Variants in PTGER3 observed in about 807,000 individuals in gnomAD.
The protein encoded by PTGER3 is prostaglandin E receptor 3, also known as prostaglandin E2 receptor EP3 subtype.
Under a neutral mutation model 34.7 loss-of-function variants are expected in PTGER3, and 22 were observed. That is an observed-to-expected ratio of 0.63 (90% CI 0.45 to 0.91). PTGER3 has a LOEUF of 0.91. PTGER3 is among the 40% of genes least tolerant of loss of function. The probability of loss-of-function intolerance (pLI) is 0.00; values close to 1 mark genes in which losing one functional copy is unlikely to be tolerated. For missense variants in PTGER3, 468 were observed against 519.4 expected (o/e 0.90, Z 0.96); for synonymous variants, 241 against 230.1 (o/e 1.05, Z -0.43).
At chr1:70,879,926 C>G (rs552338828) in intron 4 of PTGER3, among the ~76,000 whole-genome samples, 6 of 152,034 alleles carry the variant, frequency 3.9e-5, no homozygotes, top group Non-Finnish European at 8.8e-5. Flanking sequence ...AACCTTGTCT[C>G]TACTAAAAAT....
chr1:70,979,131 C>A (rs923860114), intron 2 of PTGER3, among the ~76,000 whole-genome samples: 1 of 151,978 alleles, frequency 6.6e-6, no homozygotes, highest in African/African-American at 2.4e-5. Context: ...CTCAGTGAGC[C>A]CCACAAGAGC....
At chr1:70,963,832 C>T (rs951649284) in intron 2 of PTGER3, among the ~76,000 whole-genome samples, 1 of 152,194 alleles carries the variant, frequency 6.6e-6, no homozygotes, top group Non-Finnish European at 1.5e-5. Context: ...GCTTGAATTT[C>T]TCCCCAGAAA....
chr1:71,009,798 C>A, intron 2 of PTGER3: 1 of 985,174 alleles, frequency 1.0e-6, no homozygotes. Flanking sequence ...CATGAGTGAA[C>A]TTGAAAGCCA....
At chr1:70,936,239 GC>G (rs1369716175) in intron 4 of PTGER3, among the ~76,000 whole-genome samples, 2 of 152,272 alleles carry the variant, frequency 1.3e-5, no homozygotes, top group East Asian at 3.9e-4. Context: ...AGCACTGTGT[GC>G]TTTGCCAAGC....
chr1:70,941,997 T>C (rs1188374334), intron 4 of PTGER3, among the ~76,000 whole-genome samples: 2 of 152,156 alleles, frequency 1.3e-5, no homozygotes, highest in Non-Finnish European at 2.9e-5. Flanking sequence ...ACAGCTCCTA[T>C]GTACAAAATG....
At chr1:70,972,311 G>C (rs1653172126) in intron 3 of PTGER3, among the ~76,000 whole-genome samples, 1 of 152,068 alleles carries the variant, frequency 6.6e-6, no homozygotes, top group Non-Finnish European at 1.5e-5. Context: ...GACAGAGCGA[G>C]ACTCCATCTC....
Position 70,953,045 on chromosome 1 carries a change from C to A in PTGER3, c.1119G>T (p.Leu373Phe), listed in dbSNP as rs900997837. 4.4e-6 allele frequency: 7 copies of A among 1,598,690 alleles called. No individual in the cohort carries two copies. In the East Asian group the frequency reaches 6.7e-5, roughly 15 times the overall value. The stretch of plus-strand genomic sequence containing the variant: ...TTGCCCTCTGTATCTGAGAGTTCTG[C>A]AAACTGCAGATTAACTAACCACAGA... The change falls in exon 4 of 4, where the codon TTG (leucine) becomes TTT (phenylalanine). Residue 373 changes from leucine (L) to phenylalanine (F), a missense_variant. Coordinates refer to the PTGER3 transcript ENST00000356595.
intron 4 of PTGER3, among the ~76,000 whole-genome samples, chr1:70,917,403 TTGTGTGTGTGTGTGTGTG>T (rs59163586): frequency 1.5e-5 from 2 of 136,278 alleles, no homozygotes; most frequent in African/African-American, 5.6e-5. Context: ...GTATTTTATT[TTGTGTGTGTGTGTGTGTG>T]TGTGTGTGTG....
chr1:70,869,048 A>G (rs1291238582), intron 4 of PTGER3, among the ~76,000 whole-genome samples: 1 of 152,186 alleles, frequency 6.6e-6, no homozygotes, highest in Non-Finnish European at 1.5e-5. Context: ...TCTTTTTTTA[A>G]ATAAATGAGC....
intron 4 of PTGER3, among the ~76,000 whole-genome samples, chr1:70,921,378 C>T (rs1226440787): frequency 6.6e-6 from 1 of 152,152 alleles, no homozygotes; most frequent in Non-Finnish European, 1.5e-5. Context: ...TCAGGCAATG[C>T]TTTTCTTTCT....
intron 4 of PTGER3, among the ~76,000 whole-genome samples, chr1:70,876,886 C>T (rs1256079715): frequency 6.6e-6 from 1 of 152,092 alleles, no homozygotes; most frequent in Non-Finnish European, 1.5e-5. Flanking sequence ...AGTTGGGTAA[C>T]GTGATGCCTC....
chr1:71,025,180 TCC>T (rs1174501205), intron 1 of PTGER3, among the ~76,000 whole-genome samples: 1 of 140,980 alleles, frequency 7.1e-6, no homozygotes, highest in Non-Finnish European at 1.5e-5. Context: ...TTCCTTTTTT[TCC>T]TTCCTTCCTT....
intron 4 of PTGER3, among the ~76,000 whole-genome samples, chr1:70,939,793 A>G (rs1649587108): frequency 6.6e-6 from 1 of 152,172 alleles, no homozygotes. Context: ...CCAGCTGATG[A>G]AATCAGTTTC....
rs74089169 is a variant in PTGER3, at chr1:70,938,036, A to G, written c.*23+15727T>C. On this transcript the variant is annotated intron_variant, in intron 4 of 4. Transcript: ENST00000370931. ...TATAACTGAAAGACTTTACAGTCCAAATTAAAAGATGTCTATTTTGAAATA... is the reference window on the plus strand; with the variant it reads ...TATAACTGAAAGACTTTACAGTCCAGATTAAAAGATGTCTATTTTGAAATA... 3.9e-3 allele frequency among the ~76,000 whole-genome samples: 597 copies of G among 152,292 alleles called. 7 individuals carry two copies. Among genetic ancestry groups the G allele is most frequent in the African/African-American group, 0.014 (564 of 41,552 alleles).
chr1:70,928,353 G>A (rs1648338087), intron 4 of PTGER3, among the ~76,000 whole-genome samples: 1 of 151,356 alleles, frequency 6.6e-6, no homozygotes, highest in African/African-American at 2.4e-5. Flanking sequence ...TGAAGAGGAA[G>A]CTGGGCAAAG....
chr1:70,963,375 C>A (rs1229325555), intron 2 of PTGER3, among the ~76,000 whole-genome samples: 1 of 152,184 alleles, frequency 6.6e-6, no homozygotes, highest in African/African-American at 2.4e-5. Context: ...CATGGGGGTT[C>A]CAACCTCACA....
intron 4 of PTGER3, among the ~76,000 whole-genome samples, chr1:70,915,995 A>T (rs774318938): frequency 6.6e-6 from 1 of 152,028 alleles, no homozygotes; most frequent in Non-Finnish European, 1.5e-5. Context: ...CATCTAACTA[A>T]GGTCTAATAT....
At chr1:70,985,594 G>A (rs1654841111) in intron 2 of PTGER3, among the ~76,000 whole-genome samples, 1 of 152,142 alleles carries the variant, frequency 6.6e-6, no homozygotes, top group Admixed American at 6.6e-5. Flanking sequence ...TCTGAAGCCT[G>A]TTAGTAATAA....
chr1:71,035,295 G>C (rs1659724366), intron 1 of PTGER3, among the ~76,000 whole-genome samples: 1 of 152,112 alleles, frequency 6.6e-6, no homozygotes, highest in African/African-American at 2.4e-5. Flanking sequence ...CTACTTATGT[G>C]TTTCTCCCTT....
Sources: allele counts gnomAD v4.1 joint callset (sites outside exome capture counted in the v4.1 genomes callset), GRCh38; gene constraint gnomAD v4.1.1; transcripts MANE v1.5; gene names NCBI Gene and HGNC (gene_info 2026-07-23, HGNC 2026-07-21).